TMEM62: variants seen among roughly 807,000 people sequenced by gnomAD.
TMEM62 encodes transmembrane protein 62.
A neutral mutation model predicts 70.4 loss-of-function variants in TMEM62; 41 were observed. The ratio of observed to expected loss-of-function variants is 0.58; its 90% confidence interval spans 0.45 to 0.76. The LOEUF (loss-of-function observed/expected upper bound fraction) is 0.76, where lower values mean the gene tolerates loss of function less well. TMEM62 is among the 30% of genes least tolerant of loss of function. The probability of loss-of-function intolerance (pLI) is 0.00; values close to 1 mark genes in which losing one functional copy is unlikely to be tolerated. For synonymous variants in TMEM62, 268 were observed against 291.0 expected, an observed-to-expected ratio of 0.92 and a Z score of 0.80; for missense variants, 688 against 788.5, an observed-to-expected ratio of 0.87 and a Z score of 1.53.
chr15:43,165,941 G>C (rs1360150416), intron 10 of TMEM62, among the ~76,000 whole-genome samples: 1 of 152,158 alleles, frequency 6.6e-6, no homozygotes, highest in Non-Finnish European at 1.5e-5. Context: ...CATTTGGTGA[G>C]GTCATGTTTT....
chr15:43,184,390 T>C lies in TMEM62; in HGVS notation c.1736T>C (p.Met579Thr), dbSNP rs751964130. 8.7e-6 allele frequency: 14 copies of C among 1,614,262 alleles called. No homozygotes were observed. The South Asian group carries it at 1.4e-4, about 16-fold the overall frequency. Reference protein sequence around the residue: ...YLKIMPVHLLMLLLYIWQVYS... With the variant: ...YLKIMPVHLLTLLLYIWQVYS... ...AAAATTATGCCTGTTCACCTACTTATGCTACTGCTGTACATCTGGCAGGTT... is the reference window on the plus strand; with the variant it reads ...AAAATTATGCCTGTTCACCTACTTACGCTACTGCTGTACATCTGGCAGGTT... The change falls in exon 14 of 14, where the codon ATG becomes ACG. Residue 579 changes from methionine (M) to threonine (T), a missense_variant. By Grantham distance (81) the Met-to-Thr change is moderately conservative. Transcript: ENST00000260403.
rs779738250 is a variant in TMEM62 at position 43,169,596 on chromosome 15, C to A, written c.1300C>A (p.Arg434=). 1.2e-6 allele frequency: 2 copies of A among 1,613,830 alleles called. No individual in the cohort carries two copies. Among genetic ancestry groups the A allele is most frequent in the Non-Finnish European group, 8.5e-7 (1 of 1,179,842 alleles). The change falls in exon 11 of 14, where the codon CGG becomes AGG. Residue 434 remains arginine, a synonymous_variant. Coordinates refer to ENST00000260403, the MANE Select transcript of TMEM62 (RefSeq NM_024956.4). ...ILRTDHYIMA[R]VLFVLIVLSQ... ...GTTAACATCTATTTCCCTGCAGGCC[C>A]GGGTCCTTTTTGTGCTGATTGTGCT...
chr15:43,138,763 T>A, intron 4 of TMEM62, 144 bp downstream of exon 4: 6 of 673,522 alleles, frequency 8.9e-6, no homozygotes, highest in Non-Finnish European at 1.5e-5. Context: ...AGCTCTGAAC[T>A]GAGCTCAAAC....
chr15:43,168,702 C>T (rs2039868709), intron 10 of TMEM62, among the ~76,000 whole-genome samples: 1 of 152,184 alleles, frequency 6.6e-6, no homozygotes. Context: ...CACAAGTACT[C>T]CCCTGGCCAC....
intron 8 of TMEM62, among the ~76,000 whole-genome samples, chr15:43,153,873 G>A (rs2037718103): frequency 6.6e-6 from 1 of 152,132 alleles, no homozygotes; most frequent in Non-Finnish European, 1.5e-5. Context: ...TGGAATTGCT[G>A]GATCATATGG....
At chr15:43,166,040 GT>G (rs2039374529) in intron 10 of TMEM62, among the ~76,000 whole-genome samples, 2 of 152,316 alleles carry the variant, frequency 1.3e-5, no homozygotes, top group Non-Finnish European at 2.9e-5. Flanking sequence ...GTCTGGGCTT[GT>G]TTGTACTCAT....
At chr15:43,171,323 G>A (rs1051992089) in intron 11 of TMEM62, among the ~76,000 whole-genome samples, 6 of 150,286 alleles carry the variant, frequency 4.0e-5, no homozygotes, top group African/African-American at 7.3e-5. Context: ...GCAACAGAGC[G>A]AGACTCTGTC....
chr15:43,171,773 G>A (rs987253666), intron 11 of TMEM62, among the ~76,000 whole-genome samples: 4 of 151,284 alleles, frequency 2.6e-5, no homozygotes, highest in Non-Finnish European at 4.4e-5. Flanking sequence ...GACTACAGGC[G>A]CCCACCACCA....
Position 43,154,671 on chromosome 15 carries a change from G to C in TMEM62, c.1023-1G>C, listed in dbSNP as rs1387960729. 1 of 1,596,634 alleles carries C rather than the reference G, an allele frequency of 6.3e-7. No individual in the cohort carries two copies. ...GTGTTTTATATATGCTCTCATTTTA[G>C]AGTCTTGGCCTTTTCCTTATCCTCC... is the stretch of plus-strand genomic sequence containing the variant. On this transcript the variant is annotated splice_acceptor_variant, in intron 8 of 13. Coordinates refer to ENST00000260403, the MANE Select transcript of TMEM62 (RefSeq NM_024956.4). LOFTEE classifies it high-confidence loss of function.
At chr15:43,149,752 G>C (rs1264901766) in intron 7 of TMEM62, among the ~76,000 whole-genome samples, 4 of 152,026 alleles carry the variant, frequency 2.6e-5, no homozygotes, top group African/African-American at 9.7e-5. Flanking sequence ...CCCTCTGGGT[G>C]GTCTATGCAT....
At chr15:43,134,574 G>C (rs948481117) in intron 2 of TMEM62, among the ~76,000 whole-genome samples, 1 of 152,188 alleles carries the variant, frequency 6.6e-6, no homozygotes, top group Admixed American at 6.5e-5. Context: ...ATGATTTGAC[G>C]TAGCAAGGTT....
intron 10 of TMEM62, among the ~76,000 whole-genome samples, chr15:43,161,152 C>T (rs952215719): frequency 2.6e-5 from 4 of 151,988 alleles, no homozygotes; most frequent in Admixed American, 1.3e-4. Flanking sequence ...TGGAATGTGT[C>T]CCCTGTGGAT....
At chr15:43,167,748 G>C (rs1478486306) in intron 10 of TMEM62, among the ~76,000 whole-genome samples, 1 of 152,146 alleles carries the variant, frequency 6.6e-6, no homozygotes, top group African/African-American at 2.4e-5. Context: ...CTGCAATCTC[G>C]GCACTTTGGG....
At chr15:43,156,706 T>C (rs2038087824) in intron 9 of TMEM62, among the ~76,000 whole-genome samples, 2 of 152,204 alleles carry the variant, frequency 1.3e-5, no homozygotes, top group Admixed American at 1.3e-4. Flanking sequence ...TAAAATCACA[T>C]ACTTTTTGTA....
At chr15:43,148,360 G>T (rs1567191605) in intron 5 of TMEM62, among the ~76,000 whole-genome samples, 1 of 152,058 alleles carries the variant, frequency 6.6e-6, no homozygotes, top group East Asian at 1.9e-4. Context: ...TCTAGTTTTT[G>T]GCTATTATCA....
Position 43,134,304 on chromosome 15 carries a change from A to C in TMEM62, c.228A>C (p.Val76=). The C allele has an allele frequency of 6.2e-7, 1 of 1,614,202 alleles. No homozygotes were observed. The highest frequency in any genetic ancestry group is 8.5e-7 in the Non-Finnish European group (1 of 1,180,018). ...LSRFRDPGRA[V]DLEKFCSETI... ...GGTTTCGAGATCCAGGCAGAGCGGT[A>C]GACTTAGAGAAATTCTGTTCTGAAA... Residue 76 remains valine, a synonymous_variant, in exon 2 of 14, where the codon GTA becomes GTC. Coordinates refer to ENST00000260403, the MANE Select transcript of TMEM62 (RefSeq NM_024956.4).
Position 43,178,658 on chromosome 15 carries a change from A to G in TMEM62, c.1433A>G (p.Lys478Arg). 6.2e-7 allele frequency: 1 copy of G among 1,613,294 alleles called. No homozygotes were observed. Among genetic ancestry groups the G allele is most frequent in the Non-Finnish European group, 8.5e-7 (1 of 1,179,466 alleles). Residue 478 changes from lysine (K) to arginine (R), a missense_variant, in exon 12 of 14, where the codon AAA becomes AGA. Physicochemically the swap from Lys to Arg is conservative, Grantham distance 26. Coordinates refer to ENST00000260403, the MANE Select transcript of TMEM62 (RefSeq NM_024956.4). ...LTSFSLHVLS[K>R]INIFYYSVLL... ...TCATTTTCTCTTCATGTCTTGAGCA[A>G]AATAAACATCTTCTACTATTCTGTG...
intron 8 of TMEM62, among the ~76,000 whole-genome samples, chr15:43,153,090 A>C (rs2037593928): frequency 6.6e-6 from 1 of 152,304 alleles, no homozygotes; most frequent in African/African-American, 2.4e-5. Context: ...TTTGTGGATG[A>C]ATATCTGGTA....
chr15:43,160,116 G>A (rs1039262703), intron 9 of TMEM62, among the ~76,000 whole-genome samples: 4 of 151,828 alleles, frequency 2.6e-5, no homozygotes, highest in Non-Finnish European at 2.9e-5. Flanking sequence ...TTACAGGTGC[G>A]TATCACCATG....
Sources: allele counts gnomAD v4.1 joint callset (sites outside exome capture counted in the v4.1 genomes callset), GRCh38; gene constraint gnomAD v4.1.1; transcripts MANE v1.5; gene names NCBI Gene and HGNC (gene_info 2026-07-23, HGNC 2026-07-21).